The following ESRRG variants were observed in gnomAD, a reference collection of about 807,000 sequenced individuals.
ESRRG encodes the protein estrogen related receptor gamma.
A neutral mutation model predicts 44.0 loss-of-function variants in ESRRG; 13 were observed. The observed-to-expected ratio is 0.30, with a 90% CI of 0.19 to 0.47. ESRRG has a LOEUF of 0.47. Among genes scored for constraint, ESRRG ranks in the 20% least tolerant of loss-of-function variants. The probability of loss-of-function intolerance (pLI) is 1.00; values close to 1 mark genes in which losing one functional copy is unlikely to be tolerated. For synonymous variants in ESRRG, 215 were observed against 214.6 expected, an observed-to-expected ratio of 1.00 and a Z score of -0.02; for missense variants, 395 against 580.6, an observed-to-expected ratio of 0.68 and a Z score of 3.29.
chr1:216,610,861 C>A (rs1015413177), intron 3 of ESRRG, among the ~76,000 whole-genome samples: 2 of 152,016 alleles, frequency 1.3e-5, no homozygotes, highest in Non-Finnish European at 2.9e-5. Flanking sequence ...TAAGTAAGTG[C>A]CCAGGTTTAC....
chr1:216,815,678 G>A (rs1396139138), intron 2 of ESRRG, among the ~76,000 whole-genome samples: 1 of 152,184 alleles, frequency 6.6e-6, no homozygotes, highest in East Asian at 1.9e-4. Context: ...AGACATTTGT[G>A]TTCGGTTCAG....
intron 3 of ESRRG, among the ~76,000 whole-genome samples, chr1:216,649,632 C>T (rs1168193291): frequency 6.6e-6 from 1 of 151,854 alleles, no homozygotes; most frequent in Non-Finnish European, 1.5e-5. Context: ...TTTTATAAAA[C>T]TTTATTATAA....
rs2151490653 is a variant in ESRRG at position 216,677,170 on chromosome 1, T to C, written c.378A>G (p.Arg126=). Residue 126 remains arginine, a synonymous_variant, in exon 2 of 7, where the codon AGA becomes AGG. Transcript: ENST00000408911. ...CEYMLNSMPK[R]LCLVCGDIAS... ...CGATGTCACCACACACTAAACACAG[T>C]CTCTTGGGCATCGAGTTGAGCATGT... The C allele has an allele frequency of 6.2e-7, 1 of 1,614,010 alleles. No homozygotes were observed. Among genetic ancestry groups the C allele is most frequent in the Non-Finnish European group, 8.5e-7 (1 of 1,179,950 alleles).
Position 216,676,960 on chromosome 1 carries a change from A to G in ESRRG, c.472+116T>C, listed in dbSNP as rs1032001289. 9.7e-6 allele frequency: 7 copies of G among 720,328 alleles called. No homozygotes were observed. In the African/African-American group the frequency reaches 1.2e-4, roughly 13 times the overall value. 44.6% of individuals were successfully genotyped at this position (720,328 alleles called of 1,614,324 possible). A position where few individuals can be genotyped will look rare whatever the true frequency, so the allele number is the denominator to read the frequency against. On this transcript the variant is annotated intron_variant, in intron 2 of 6. Transcript: ENST00000408911. Reference sequence around the variant, plus strand: ...CAATTGTAATCTATTTCCATTTTCTACTCAAGAGAGAATTAAAACTATGAT... The same window carrying G: ...CAATTGTAATCTATTTCCATTTTCTGCTCAAGAGAGAATTAAAACTATGAT...
intron 2 of ESRRG, among the ~76,000 whole-genome samples, chr1:216,784,807 T>C (rs1235430271): frequency 1.3e-5 from 2 of 152,104 alleles, no homozygotes; most frequent in Non-Finnish European, 2.9e-5. Context: ...AATGCTAGTA[T>C]TATTTAACAA....
chr1:216,938,619 G>A (rs961542864), intron 2 of ESRRG, among the ~76,000 whole-genome samples: 14 of 152,308 alleles, frequency 9.2e-5, no homozygotes, highest in African/African-American at 3.1e-4. Flanking sequence ...TCTGCTGAAT[G>A]CTGTTCAAAA....
chr1:216,880,351 A>G (rs1221082554), intron 2 of ESRRG, among the ~76,000 whole-genome samples: 1 of 149,660 alleles, frequency 6.7e-6, no homozygotes, highest in African/African-American at 2.5e-5. Flanking sequence ...ATGCACCTTA[A>G]ATACTTTCAG....
intron 2 of ESRRG, among the ~76,000 whole-genome samples, chr1:216,756,186 C>G (rs1485996935): frequency 6.6e-6 from 1 of 151,838 alleles, no homozygotes. Flanking sequence ...AATGGAAAGC[C>G]CTGGCATTCA....
At chr1:216,814,160 T>C (rs2095062703) in intron 2 of ESRRG, among the ~76,000 whole-genome samples, 1 of 152,052 alleles carries the variant, frequency 6.6e-6, no homozygotes, top group African/African-American at 2.4e-5. Flanking sequence ...ACAATGCTAT[T>C]GTCATTTGCT....
At chr1:216,781,863 G>T (rs1297445117) in intron 2 of ESRRG, among the ~76,000 whole-genome samples, 1 of 151,978 alleles carries the variant, frequency 6.6e-6, no homozygotes, top group Non-Finnish European at 1.5e-5. Context: ...TTTATGTACT[G>T]CACAGTGGTA....
At chr1:216,618,262 G>A (rs1199029934) in intron 3 of ESRRG, among the ~76,000 whole-genome samples, 1 of 152,220 alleles carries the variant, frequency 6.6e-6, no homozygotes, top group Non-Finnish European at 1.5e-5. Flanking sequence ...TACCCTGATA[G>A]ATTTGCGTGT....
At chr1:216,554,336 C>A (rs990576366) in intron 5 of ESRRG, among the ~76,000 whole-genome samples, 1 of 151,986 alleles carries the variant, frequency 6.6e-6, no homozygotes, top group Non-Finnish European at 1.5e-5. Context: ...CACCTGTAAT[C>A]CCAGCTACTC....
chr1:216,781,926 T>C (rs1233697685), intron 2 of ESRRG, among the ~76,000 whole-genome samples: 5 of 152,048 alleles, frequency 3.3e-5, no homozygotes, highest in African/African-American at 1.2e-4. Context: ...AAGCCTCTGA[T>C]TGAAAAGTCT....
intron 1 of ESRRG, among the ~76,000 whole-genome samples, chr1:216,961,832 T>C (rs1456760298): frequency 1.3e-5 from 2 of 152,164 alleles, no homozygotes; most frequent in African/African-American, 4.8e-5. Context: ...CATTGACACT[T>C]CAGTAATTGC....
chr1:216,722,210 C>T (rs1224330107), intron 1 of ESRRG, among the ~76,000 whole-genome samples: 1 of 152,208 alleles, frequency 6.6e-6, no homozygotes, highest in East Asian at 1.9e-4. Flanking sequence ...TTGCCAAGGG[C>T]ACTCTTTTCA....
At chr1:216,662,076 G>T (rs1475130649) in intron 2 of ESRRG, among the ~76,000 whole-genome samples, 1 of 152,118 alleles carries the variant, frequency 6.6e-6, no homozygotes, top group Non-Finnish European at 1.5e-5. Context: ...ATGTATTTAA[G>T]ATGCTTAGCA....
chr1:216,817,070 A>AC (rs2095161784), intron 2 of ESRRG, among the ~76,000 whole-genome samples: 2 of 152,120 alleles, frequency 1.3e-5, no homozygotes, highest in South Asian at 4.1e-4. Context: ...AAAAAAAAAA[A>AC]AACACAGGTT....
intron 4 of ESRRG, among the ~76,000 whole-genome samples, chr1:216,566,891 GT>G (rs1445248722): frequency 6.6e-6 from 1 of 152,142 alleles, no homozygotes; most frequent in African/African-American, 2.4e-5. Context: ...AAAACTGGTT[GT>G]TTTTCCTTTG....
chr1:216,788,946 G>A (rs1030540796), intron 2 of ESRRG, among the ~76,000 whole-genome samples: 1 of 152,134 alleles, frequency 6.6e-6, no homozygotes, highest in Non-Finnish European at 1.5e-5. Flanking sequence ...CCTGAAAGTG[G>A]AACTGAATTG....
Sources: gnomAD v4.1 joint callset for allele counts (sites outside exome capture counted in the v4.1 genomes callset) on GRCh38, gnomAD v4.1.1 for gene constraint, MANE v1.5 for transcripts, NCBI Gene and HGNC (gene_info 2026-07-23, HGNC 2026-07-21) for gene names.